The following CCDC171 variants were observed in gnomAD, a reference collection of about 807,000 sequenced individuals.
CCDC171 encodes coiled-coil domain-containing protein 171.
CCDC171 carries 177 observed loss-of-function variants against 168.2 expected under a neutral mutation model. That is an observed-to-expected ratio of 1.05 (90% CI 0.93 to 1.19). CCDC171 has a LOEUF of 1.19. Ranked by LOEUF, CCDC171 falls within the 50% of genes most tolerant of loss-of-function variation. The probability of loss-of-function intolerance (pLI) is 0.00; values close to 1 mark genes in which losing one functional copy is unlikely to be tolerated. For synonymous variants in CCDC171, 687 were observed against 540.8 expected, an observed-to-expected ratio of 1.27 and a Z score of -3.75; for missense variants, 1,991 against 1,539.0, an observed-to-expected ratio of 1.29 and a Z score of -4.91.
intron 3 of CCDC171, among the ~76,000 whole-genome samples, chr9:15,998,507 C>G (rs75949039): frequency 6.6e-6 from 1 of 152,174 alleles, no homozygotes; most frequent in Admixed American, 6.5e-5. Context: ...CGAGTCCATA[C>G]GCAGATTGTC....
intron 15 of CCDC171, 27 bp from the exon 16 acceptor site, chr9:15,729,583 C>T (rs1488459554): frequency 4.0e-6 from 6 of 1,483,516 alleles, no homozygotes; most frequent in Non-Finnish European, 5.5e-6. Flanking sequence ...GAGCATATTT[C>T]CTTCTCTGTT....
At chr9:15,785,079 G>T (rs1018367872) in intron 21 of CCDC171, among the ~76,000 whole-genome samples, 2 of 152,124 alleles carry the variant, frequency 1.3e-5, no homozygotes, top group South Asian at 4.2e-4. Flanking sequence ...ATTCTGGAAG[G>T]TTTTGGTCTG....
chr9:15,750,267 A>C (rs2055629388), intron 18 of CCDC171, among the ~76,000 whole-genome samples: 1 of 152,192 alleles, frequency 6.6e-6, no homozygotes, highest in Non-Finnish European at 1.5e-5. Flanking sequence ...AGACTAAACC[A>C]GGAAGAAGTC....
chr9:16,062,454 G>A (rs1048003547), downstream of CCDC171, among the ~76,000 whole-genome samples: 1 of 152,134 alleles, frequency 6.6e-6, no homozygotes, highest in African/African-American at 2.4e-5. Context: ...CAGGTACTAA[G>A]TTTATTACCT....
chr9:15,923,418 G>A (rs1354327729), intron 25 of CCDC171, among the ~76,000 whole-genome samples: 1 of 151,274 alleles, frequency 6.6e-6, no homozygotes, highest in Admixed American at 6.6e-5. Flanking sequence ...GACAAACACT[G>A]CATCTCACTC....
intron 24 of CCDC171, among the ~76,000 whole-genome samples, chr9:15,903,432 A>G (rs201739018): frequency 6.6e-6 from 1 of 152,232 alleles, no homozygotes; most frequent in Non-Finnish European, 1.5e-5. Context: ...GATCTGGAGT[A>G]GACCTCCAGC....
At chr9:15,588,918 G>A (rs1354571127) in intron 4 of CCDC171, among the ~76,000 whole-genome samples, 3 of 151,838 alleles carry the variant, frequency 2.0e-5, no homozygotes, top group Non-Finnish European at 2.9e-5. Flanking sequence ...CACCGTGTTA[G>A]CCAGGATGGT....
At chr9:15,921,680 G>A (rs1375444880) in intron 25 of CCDC171, among the ~76,000 whole-genome samples, 3 of 151,564 alleles carry the variant, frequency 2.0e-5, no homozygotes, top group Non-Finnish European at 4.4e-5. Context: ...CCAGAGTTGT[G>A]AGTTCAGTTT....
At chr9:15,862,233 A>C (rs1408755873) in intron 23 of CCDC171, among the ~76,000 whole-genome samples, 1 of 151,796 alleles carries the variant, frequency 6.6e-6, no homozygotes, top group Non-Finnish European at 1.5e-5. Context: ...AAAGACTTAA[A>C]CTGTCTTTAT....
intron 25 of CCDC171, chr9:15,922,177 G>T (rs375031681): frequency 4.9e-6 from 2 of 406,076 alleles, no homozygotes; most frequent in Admixed American, 2.4e-5. Flanking sequence ...TATAGAATGC[G>T]AAACATTCCC....
At chr9:16,063,713 C>G (rs1833960815), downstream of CCDC171, among the ~76,000 whole-genome samples, 1 of 152,104 alleles carries the variant, frequency 6.6e-6, no homozygotes, top group South Asian at 2.1e-4. Flanking sequence ...GCCTTTTGTT[C>G]ATAGATAGTT....
At chr9:15,901,117 T>G (rs1821585693) in intron 24 of CCDC171, among the ~76,000 whole-genome samples, 1 of 152,168 alleles carries the variant, frequency 6.6e-6, no homozygotes, top group Non-Finnish European at 1.5e-5. Flanking sequence ...TTAAAGGTTT[T>G]AAGAGAAACA....
At chr9:15,779,653 C>A (rs1323308130) in intron 20 of CCDC171, among the ~76,000 whole-genome samples, 1 of 152,186 alleles carries the variant, frequency 6.6e-6, no homozygotes, top group African/African-American at 2.4e-5. Flanking sequence ...AGCCACTGCA[C>A]CTGGCCTCTT....
At chr9:15,707,097 G>A in intron 11 of CCDC171, among the ~76,000 whole-genome samples, 1 of 152,192 alleles carries the variant, frequency 6.6e-6, no homozygotes, top group East Asian at 1.9e-4. Context: ...TGGTTGAGGA[G>A]CTGAGGATGG....
At chr9:15,881,577 A>G (rs1818650756) in intron 24 of CCDC171, among the ~76,000 whole-genome samples, 1 of 152,152 alleles carries the variant, frequency 6.6e-6, no homozygotes, top group South Asian at 2.1e-4. Context: ...TATTATTTCT[A>G]TCACACCATA....
rs1486708329 is a variant in CCDC171, at chr9:15,972,566, T to C, written c.*730T>C. On this transcript the variant is annotated 3_prime_UTR_variant, in exon 26 of 26. Coordinates refer to ENST00000380701, the MANE Select transcript of CCDC171 (RefSeq NM_173550.4). ...AGTAGAGCAATTGTGCTGGAGGATT[T>C]CTGTGGTATGTTTAGGCACTTCATA... The C allele has an allele frequency of 6.6e-6, 1 of 152,262 alleles. No individual in the cohort carries two copies. The highest frequency in any genetic ancestry group is 1.5e-5 in the Non-Finnish European group (1 of 68,102). 9.4% of individuals were successfully genotyped at this position (152,262 alleles called of 1,614,324 possible).
chr9:15,927,792 C>G (rs1027471335), intron 25 of CCDC171, among the ~76,000 whole-genome samples: 7 of 151,604 alleles, frequency 4.6e-5, no homozygotes, highest in African/African-American at 1.7e-4. Flanking sequence ...TTTAGTTATA[C>G]TTTACGGATA....
intron 25 of CCDC171, among the ~76,000 whole-genome samples, chr9:15,931,054 C>A (rs926127307): frequency 1.3e-5 from 2 of 151,716 alleles, no homozygotes; most frequent in African/African-American, 2.4e-5. Context: ...CATTGGAGTG[C>A]AGCTATCTCT....
At chr9:15,615,298 T>C (rs2044000189) in intron 6 of CCDC171, among the ~76,000 whole-genome samples, 1 of 152,176 alleles carries the variant, frequency 6.6e-6, no homozygotes, top group African/African-American at 2.4e-5. Context: ...TCTAAGTATC[T>C]CTACTCTTGA....
Sources: gnomAD v4.1 joint callset for allele counts (sites outside exome capture counted in the v4.1 genomes callset) on GRCh38, gnomAD v4.1.1 for gene constraint, MANE v1.5 for transcripts, NCBI Gene and HGNC (gene_info 2026-07-23, HGNC 2026-07-21) for gene names.